The following PTPRT variants were observed in gnomAD, a reference collection of about 807,000 sequenced individuals.
The protein encoded by PTPRT is receptor-type tyrosine-protein phosphatase T.
In PTPRT, 56 loss-of-function variants were observed where a neutral mutation model predicts 176.8. The ratio of observed to expected loss-of-function variants is 0.32; its 90% CI spans 0.26 to 0.40. The LOEUF is 0.40. Ranked by LOEUF, PTPRT falls within the 10% of genes least tolerant of loss-of-function variation. PTPRT has a pLI of 1.00. For missense variants in PTPRT, 1,540 were observed against 1,908.2 expected (o/e 0.81, Z 3.60); for synonymous variants, 783 against 739.0 (o/e 1.06, Z -0.96).
rs776143904 is a variant in PTPRT at position 42,448,268 on chromosome 20, G to C, written c.1512C>G (p.Ile504Met). The change falls in exon 9 of 31, where the codon ATC (isoleucine) becomes ATG (methionine). Residue 504 changes from isoleucine (I) to methionine (M), a missense_variant. Coordinates refer to ENST00000373187, the MANE Select transcript of PTPRT (RefSeq NM_007050.6). The part of the protein sequence containing the change: ...QGGPFEEKIY[I>M]QWKPPNETNG... ...TGGTCTCATTGGGAGGTTTCCACTG[G>C]ATGTAGATCTTCTCCTCAAAGGGCC... 6.2e-7 allele frequency: 1 copy of C among 1,613,490 alleles called. No individual in the cohort carries two copies. The highest frequency in any genetic ancestry group is 1.3e-5 in the African/African-American group (1 of 74,872).
intron 1 of PTPRT, among the ~76,000 whole-genome samples, chr20:42,906,895 C>A (rs1458811178): frequency 6.6e-6 from 1 of 152,122 alleles, no homozygotes; most frequent in Non-Finnish European, 1.5e-5. Context: ...CCTCATCTGC[C>A]TGGAATTAAC....
At chr20:42,339,900 A>G (rs1028556433) in intron 11 of PTPRT, among the ~76,000 whole-genome samples, 2 of 152,178 alleles carry the variant, frequency 1.3e-5, no homozygotes, top group Non-Finnish European at 2.9e-5. Context: ...TTCAGGACCT[A>G]TACCTCTGTC....
At chr20:42,596,706 T>A (rs2073677369) in intron 7 of PTPRT, among the ~76,000 whole-genome samples, 1 of 152,160 alleles carries the variant, frequency 6.6e-6, no homozygotes, top group Admixed American at 6.5e-5. Flanking sequence ...CAAAAATGAA[T>A]TTTTAAAACG....
chr20:42,753,221 C>T (rs376811193), intron 6 of PTPRT, among the ~76,000 whole-genome samples: 4 of 152,044 alleles, frequency 2.6e-5, no homozygotes, highest in Non-Finnish European at 5.9e-5. Context: ...AGATGCAGGT[C>T]GGACTCCAGT....
At chr20:42,051,416 G>C in the PTPRT span, among the ~76,000 whole-genome samples, 1 of 152,194 alleles carries the variant, frequency 6.6e-6, no homozygotes, top group African/African-American at 2.4e-5. Context: ...GTGAGGCAAG[G>C]AGGGAAAAGA....
chr20:42,886,050 CATATAT>C (rs11473209), intron 1 of PTPRT, 118 bp from the exon 2 acceptor site: 1 of 338,824 alleles, frequency 3.0e-6, no homozygotes, highest in Non-Finnish European at 4.6e-6. Flanking sequence ...GAAGATTTTC[CATATAT>C]ATATATATAT....
intron 1 of PTPRT, among the ~76,000 whole-genome samples, chr20:42,916,022 G>T (rs1978721784): frequency 6.6e-6 from 1 of 151,968 alleles, no homozygotes; most frequent in African/African-American, 2.4e-5. Context: ...GTGCAGGTTA[G>T]TTACATATGT....
chr20:42,789,249 G>A (rs564031068), intron 3 of PTPRT, among the ~76,000 whole-genome samples: 1 of 152,204 alleles, frequency 6.6e-6, no homozygotes, highest in Non-Finnish European at 1.5e-5. Context: ...ATGTCCAAGT[G>A]ATAGTATTTT....
the PTPRT span, among the ~76,000 whole-genome samples, chr20:42,053,299 A>T: frequency 6.6e-6 from 1 of 152,206 alleles, no homozygotes; most frequent in South Asian, 2.1e-4. Context: ...AGTGCAGTGT[A>T]CAGGTCATCT....
chr20:43,013,530 A>C (rs1985231127), intron 1 of PTPRT, among the ~76,000 whole-genome samples: 1 of 152,184 alleles, frequency 6.6e-6, no homozygotes, highest in African/African-American at 2.4e-5. Flanking sequence ...TAGCTAAGAC[A>C]GAAAGTGGGG....
At chr20:43,140,536 A>C (rs1600742129) in intron 1 of PTPRT, among the ~76,000 whole-genome samples, 1 of 150,804 alleles carries the variant, frequency 6.6e-6, no homozygotes, top group East Asian at 2.0e-4. Context: ...ATGTGTGTGC[A>C]TGTAGTGTAA....
At chr20:42,644,700 C>A (rs2074847380) in intron 7 of PTPRT, among the ~76,000 whole-genome samples, 1 of 152,100 alleles carries the variant, frequency 6.6e-6, no homozygotes, top group Non-Finnish European at 1.5e-5. Flanking sequence ...GCCCCAGGAG[C>A]ACTCAGGGAC....
intron 1 of PTPRT, among the ~76,000 whole-genome samples, chr20:43,032,902 C>T (rs922657799): frequency 3.3e-5 from 5 of 152,158 alleles, no homozygotes; most frequent in African/African-American, 9.7e-5. Flanking sequence ...GCATGATGTG[C>T]GATACAGAAT....
chr20:43,091,567 A>G (rs1046473580), intron 1 of PTPRT, among the ~76,000 whole-genome samples: 5 of 151,798 alleles, frequency 3.3e-5, no homozygotes, highest in Non-Finnish European at 5.9e-5. Flanking sequence ...ACACACACAC[A>G]TACAGAATGT....
chr20:42,113,197 G>A (rs742293), intron 22 of PTPRT, among the ~76,000 whole-genome samples: 28,489 of 152,194 alleles, frequency 0.19, 2,888 homozygotes, highest in Non-Finnish European at 0.23. Flanking sequence ...GCATCTCCCT[G>A]TGAGTAATAT....
At chr20:42,461,318 ACT>A (rs1165748221) in intron 8 of PTPRT, among the ~76,000 whole-genome samples, 1 of 152,140 alleles carries the variant, frequency 6.6e-6, no homozygotes, top group African/African-American at 2.4e-5. Context: ...CAAGAGTGAA[ACT>A]CCGTCTCAAA....
At chr20:42,768,759 G>A (rs184463002) in intron 5 of PTPRT, among the ~76,000 whole-genome samples, 52 of 152,256 alleles carry the variant, frequency 3.4e-4, no homozygotes, top group East Asian at 2.9e-3. Context: ...CCTGGAAGAC[G>A]TTTTGTGAAA....
At chr20:43,005,930 A>G (rs1325044816) in intron 1 of PTPRT, among the ~76,000 whole-genome samples, 2 of 152,224 alleles carry the variant, frequency 1.3e-5, no homozygotes, top group East Asian at 3.8e-4. Context: ...AAGCCCAACA[A>G]GAGGAAAATA....
intron 7 of PTPRT, among the ~76,000 whole-genome samples, chr20:42,558,756 G>A (rs1399607573): frequency 6.6e-6 from 1 of 152,064 alleles, no homozygotes; most frequent in Non-Finnish European, 1.5e-5. Flanking sequence ...ATATTGCACT[G>A]ATGTAACCAC....
Sources: gnomAD v4.1 joint callset for allele counts (sites outside exome capture counted in the v4.1 genomes callset) on GRCh38, gnomAD v4.1.1 for gene constraint, MANE v1.5 for transcripts, NCBI Gene and HGNC (gene_info 2026-07-23, HGNC 2026-07-21) for gene names.